MAPT: variants seen among roughly 807,000 people sequenced by gnomAD.
MAPT encodes the protein microtubule-associated protein tau.
In MAPT, 34 loss-of-function variants were observed where a neutral mutation model predicts 67.9. The observed-to-expected ratio is 0.50, with a 90% CI of 0.38 to 0.67. MAPT has a LOEUF of 0.67. MAPT is among the 30% of genes least tolerant of loss of function. MAPT has a pLI of 0.00. For synonymous variants in MAPT, 456 were observed against 464.5 expected (o/e 0.98, Z 0.23); for missense variants, 881 against 1,115.2 (o/e 0.79, Z 2.99).
intron 9 of MAPT, chr17:45,999,170 TCAGTTGC>T: frequency 1.4e-6 from 2 of 1,465,072 alleles, no homozygotes; most frequent in Non-Finnish European, 1.8e-6. Flanking sequence ...AAATCCAAGT[TCAGTTGC>T]CATCTCCTCC....
At chr17:45,992,511 C>T (rs2074141559) in intron 8 of MAPT, among the ~76,000 whole-genome samples, 1 of 152,202 alleles carries the variant, frequency 6.6e-6, no homozygotes, top group East Asian at 1.9e-4. Context: ...GCCCGTTGCC[C>T]TGGGCTCCTG....
chr17:45,999,203 A>T (rs2074775578), intron 9 of MAPT: 1 of 1,528,836 alleles, frequency 6.5e-7, no homozygotes, highest in Non-Finnish European at 8.8e-7. Flanking sequence ...GTCTTCCTGG[A>T]TTCCCCTCTC....
In MAPT at chr17:45,995,361, C is replaced by G. The variant is rs541277490; in HGVS notation, c.1733-1038C>G. Among the ~76,000 whole-genome samples the G allele has an allele frequency of 3.9e-5, 6 of 152,308 alleles. No individual in the cohort carries two copies. Among genetic ancestry groups the G allele is most frequent in the Admixed American group, 3.3e-4 (5 of 15,302 alleles). On this transcript the variant is annotated intron_variant, in intron 8 of 12. Coordinates refer to ENST00000262410, the MANE Select transcript of MAPT (RefSeq NM_001377265.1). This position sits in a 1 kb window ranked among gnomAD's most constrained non-coding sequence, Gnocchi z 4.3. ...GAAAAATGAGGCTTTGCAGGTCCCACCCCTAGAGATTCTGCTCTATCCACT... is the reference window on the plus strand; with the variant it reads ...GAAAAATGAGGCTTTGCAGGTCCCAGCCCTAGAGATTCTGCTCTATCCACT...
Position 45,983,662 on chromosome 17 carries a change from G to A in MAPT, c.1083G>A (p.Gly361=). 6.2e-7 allele frequency: 1 copy of A among 1,614,052 alleles called. No homozygotes were observed. Among genetic ancestry groups the A allele is most frequent in the Non-Finnish European group, 8.5e-7 (1 of 1,180,006 alleles). ...AGATCCCAGCCTCAGAGCCCGACGG[G>A]CCCAGTGTAGGGCGGGCCAAAGGGC... ...STEIPASEPD[G]PSVGRAKGQD... Residue 361 remains glycine (G), a synonymous_variant, in exon 5 of 13, where the codon GGG becomes GGA. Coordinates refer to ENST00000262410, the MANE Select transcript of MAPT (RefSeq NM_001377265.1).
intron 3 of MAPT, chr17:45,975,837 T>A (rs2072272696): frequency 6.6e-6 from 1 of 152,100 alleles, no homozygotes; most frequent in Admixed American, 6.5e-5. Flanking sequence ...ACAGGAAGGT[T>A]CTTACTGAGT....
At chr17:45,999,231 T>G in intron 9 of MAPT, 1 of 1,579,758 alleles carries the variant, frequency 6.3e-7, no homozygotes, top group Non-Finnish European at 8.6e-7. Context: ...AAAGCCCCTG[T>G]AAACTCTGAC....
At chr17:46,006,740 C>T (rs1211787016) in intron 9 of MAPT, among the ~76,000 whole-genome samples, 1 of 151,864 alleles carries the variant, frequency 6.6e-6, no homozygotes, top group Non-Finnish European at 1.5e-5. Flanking sequence ...TGGTGAAACC[C>T]CGTCTCTACT....
Position 46,025,540 on chromosome 17 carries a change from C to T in MAPT, c.*1369C>T, listed in dbSNP as rs1412216858. ...CCTCTCACTCTCAGTTCCACTCATC[C>T]AACTGGGACCCTCACCACGAATCTC... On this transcript the variant is annotated 3_prime_UTR_variant, in exon 13 of 13. Coordinates refer to ENST00000262410, the MANE Select transcript of MAPT (RefSeq NM_001377265.1). 1 of 152,790 alleles carries T rather than the reference C, an allele frequency of 6.5e-6. No homozygotes were observed. Among genetic ancestry groups the T allele is most frequent in the Non-Finnish European group, 1.5e-5 (1 of 68,138 alleles). The allele number at this position is 152,790 out of a possible 1,614,324, so 9.5% of individuals were successfully genotyped here.
chr17:46,014,870 G>GA (rs2076063933), intron 11 of MAPT, among the ~76,000 whole-genome samples: 1 of 114,032 alleles, frequency 8.8e-6, no homozygotes, highest in Non-Finnish European at 2.3e-5. Flanking sequence ...GCGACAGAGC[G>GA]AGACTCCGTC....
At chr17:45,960,782 C>T (rs942464429) in intron 1 of MAPT, among the ~76,000 whole-genome samples, 4 of 150,062 alleles carry the variant, frequency 2.7e-5, no homozygotes, top group East Asian at 2.0e-4. Flanking sequence ...GTGAGACCCC[C>T]GTCCCCACTC....
At chr17:45,988,007 C>T (rs552031754) in intron 6 of MAPT, among the ~76,000 whole-genome samples, 2 of 152,284 alleles carry the variant, frequency 1.3e-5, no homozygotes, top group East Asian at 3.9e-4. Context: ...CCTGGAGTTG[C>T]CCAGAGTCTA....
At chr17:45,919,714 C>T (rs2065518143) in intron 1 of MAPT, among the ~76,000 whole-genome samples, 1 of 152,220 alleles carries the variant, frequency 6.6e-6, no homozygotes, top group South Asian at 2.1e-4. Flanking sequence ...CGAGACCAAC[C>T]TGAGCAACAT....
At position 45,920,289 on chromosome 17, in the gene MAPT, G is replaced by T. The variant is rs543338991; in HGVS notation, c.-18+25603G>T. Among the ~76,000 whole-genome samples, 192 of 152,360 alleles carry T rather than the reference G, an allele frequency of 1.3e-3. 3 individuals are homozygous for T. The highest frequency in any genetic ancestry group is 4.8e-3 in the South Asian group (23 of 4,830). On this transcript the variant is annotated intron_variant, in intron 1 of 12. Coordinates refer to ENST00000262410, the MANE Select transcript of MAPT (RefSeq NM_001377265.1). ...AATGTTGACCAGCTGCCTGGCTGGA[G>T]TTGGCAGTGGCTAAGGCTGTGACAG... is the stretch of plus-strand genomic sequence containing the variant.
intron 1 of MAPT, among the ~76,000 whole-genome samples, chr17:45,911,212 G>A (rs188816402): frequency 2.2e-4 from 33 of 152,238 alleles, no homozygotes; most frequent in African/African-American, 8.0e-4. Flanking sequence ...GCCCATCGCA[G>A]GGAGATGCTT....
At chr17:45,923,054 T>C (rs2065908100) in intron 1 of MAPT, among the ~76,000 whole-genome samples, 1 of 152,164 alleles carries the variant, frequency 6.6e-6, no homozygotes, top group Non-Finnish European at 1.5e-5. Context: ...CCTTAACCTC[T>C]TGGACCCTAT....
intron 1 of MAPT, among the ~76,000 whole-genome samples, chr17:45,899,762 T>G (rs1476770635): frequency 1.3e-5 from 2 of 152,170 alleles, no homozygotes; most frequent in African/African-American, 4.8e-5. Context: ...GCTCTCAATT[T>G]CTTATCTGGC....
At chr17:45,960,957 T>C (rs536540429) in intron 1 of MAPT, among the ~76,000 whole-genome samples, 2 of 152,138 alleles carry the variant, frequency 1.3e-5, no homozygotes, top group Non-Finnish European at 2.9e-5. Context: ...CACACCTCTG[T>C]CCACCATGTT....
chr17:45,901,677 T>C (rs1259350414), intron 1 of MAPT, among the ~76,000 whole-genome samples: 2 of 152,230 alleles, frequency 1.3e-5, no homozygotes, highest in African/African-American at 2.4e-5. Context: ...ATTTAAATGA[T>C]ACACATAGAT....
intron 1 of MAPT, among the ~76,000 whole-genome samples, chr17:45,909,228 C>T (rs575668453): frequency 5.0e-4 from 76 of 151,772 alleles, no homozygotes; most frequent in African/African-American, 1.1e-3. Context: ...ACCAGTGTGC[C>T]CTGGGCTGCC....
Sources: gnomAD v4.1 joint callset for allele counts (sites outside exome capture counted in the v4.1 genomes callset) on GRCh38, gnomAD v4.1.1 for gene constraint, Gnocchi (gnomAD v3.1) non-coding constraint, MANE v1.5 for transcripts, NCBI Gene and HGNC (gene_info 2026-07-23, HGNC 2026-07-21) for gene names.